Variants in PRELID2 observed in about 807,000 individuals in gnomAD.
PRELID2 encodes the protein PRELI domain-containing protein 2.
Under a neutral mutation model 28.4 loss-of-function variants are expected in PRELID2, and 25 were observed. That is an observed-to-expected ratio of 0.88 (90% CI 0.64 to 1.23). PRELID2 has a LOEUF of 1.23. Ranked by LOEUF, PRELID2 falls within the 50% of genes most tolerant of loss-of-function variation. PRELID2 has a pLI of 0.00. For missense variants in PRELID2, 201 were observed against 214.4 expected, an observed-to-expected ratio of 0.94 and a Z score of 0.39; for synonymous variants, 76 against 71.6, an observed-to-expected ratio of 1.06 and a Z score of -0.31.
intron 1 of PRELID2, among the ~76,000 whole-genome samples, chr5:145,830,893 C>T (rs1309928210): frequency 6.6e-6 from 1 of 152,112 alleles, no homozygotes; most frequent in African/African-American, 2.4e-5. Context: ...ACTTGGAAGG[C>T]AACTCCTAAC....
At chr5:145,325,621 G>C in the PRELID2 span, among the ~76,000 whole-genome samples, 1 of 152,118 alleles carries the variant, frequency 6.6e-6, no homozygotes, top group African/African-American at 2.4e-5. Flanking sequence ...GAAAGTTAAA[G>C]TTAAAAGACA....
chr5:145,311,329 C>A, the PRELID2 span, among the ~76,000 whole-genome samples: 1 of 152,156 alleles, frequency 6.6e-6, no homozygotes, highest in Non-Finnish European at 1.5e-5. Context: ...GCACAGCCCC[C>A]ACCCATTCAT....
chr5:145,737,019 AGAG>A (rs1756514494), intron 1 of PRELID2, among the ~76,000 whole-genome samples: 1 of 152,096 alleles, frequency 6.6e-6, no homozygotes, highest in South Asian at 2.1e-4. Flanking sequence ...GTGAAGAAAA[AGAG>A]AAGAGAATTG....
At chr5:145,802,097 A>G (rs547955168) in intron 4 of PRELID2, among the ~76,000 whole-genome samples, 1 of 152,342 alleles carries the variant, frequency 6.6e-6, no homozygotes, top group African/African-American at 2.4e-5. Flanking sequence ...TCTTATGTGT[A>G]TAAGACTCAT....
chr5:145,561,363 C>T (rs1453856248), intron 1 of PRELID2, among the ~76,000 whole-genome samples: 7 of 151,902 alleles, frequency 4.6e-5, no homozygotes, highest in Admixed American at 2.6e-4. Flanking sequence ...AAGTGAGTGC[C>T]GACAAGAATG....
chr5:145,658,846 TAC>T (rs763163774), intron 1 of PRELID2, among the ~76,000 whole-genome samples: 36 of 152,186 alleles, frequency 2.4e-4, no homozygotes, highest in Non-Finnish European at 4.7e-4. Context: ...GCTAGATAGT[TAC>T]AGAGTAAGGG....
chr5:145,388,246 A>C, the PRELID2 span, among the ~76,000 whole-genome samples: 1 of 152,154 alleles, frequency 6.6e-6, no homozygotes, highest in Non-Finnish European at 1.5e-5. Flanking sequence ...TTAAAACATA[A>C]AAGTCAAAAT....
chr5:145,376,498 T>C, the PRELID2 span, among the ~76,000 whole-genome samples: 2 of 152,166 alleles, frequency 1.3e-5, no homozygotes, highest in Non-Finnish European at 2.9e-5. Context: ...GTACATCTGG[T>C]AGAATTCACC....
At chr5:145,418,463 C>T in the PRELID2 span, among the ~76,000 whole-genome samples, 47 of 152,228 alleles carry the variant, frequency 3.1e-4, no homozygotes, top group African/African-American at 1.1e-3. Context: ...AAACTGGAGG[C>T]ATCATGTTAA....
chr5:145,556,183 AAAAAAAAAAAAAAAG>A (rs1001819111), intron 1 of PRELID2, among the ~76,000 whole-genome samples: 1 of 151,182 alleles, frequency 6.6e-6, no homozygotes, highest in African/African-American at 2.4e-5. Context: ...ATCTCAAAAA[AAAAAAAAAAAAAAAG>A]AAAAGAAAAG....
chr5:145,366,209 T>C, the PRELID2 span, among the ~76,000 whole-genome samples: 1 of 151,858 alleles, frequency 6.6e-6, no homozygotes, highest in African/African-American at 2.4e-5. Flanking sequence ...CCACAAATTC[T>C]CTCAGTTTAT....
At chr5:145,249,979 G>C in the PRELID2 span, among the ~76,000 whole-genome samples, 103 of 150,396 alleles carry the variant, frequency 6.8e-4, no homozygotes, top group Non-Finnish European at 5.9e-5. Flanking sequence ...TTGATGCATA[G>C]CCAATTGCAA....
intron 1 of PRELID2, among the ~76,000 whole-genome samples, chr5:145,496,789 C>T (rs1435229867): frequency 6.6e-6 from 1 of 152,114 alleles, no homozygotes. Context: ...TTCACTCCCC[C>T]TTGGTCCTTC....
At chr5:145,353,614 C>A in the PRELID2 span, among the ~76,000 whole-genome samples, 2 of 152,136 alleles carry the variant, frequency 1.3e-5, no homozygotes, top group Non-Finnish European at 2.9e-5. Context: ...TCCTTCATCA[C>A]ATGATGTTAG....
chr5:145,348,741 T>C, the PRELID2 span, among the ~76,000 whole-genome samples: 1 of 152,102 alleles, frequency 6.6e-6, no homozygotes, highest in Non-Finnish European at 1.5e-5. Flanking sequence ...TCTAATTTGT[T>C]CATGCATTTC....
chr5:145,402,708 G>T, the PRELID2 span, among the ~76,000 whole-genome samples: 1 of 152,164 alleles, frequency 6.6e-6, no homozygotes, highest in Non-Finnish European at 1.5e-5. Context: ...ATGCAATAAT[G>T]CATTTAATGG....
chr5:145,609,544 G>A (rs957838011), intron 1 of PRELID2, among the ~76,000 whole-genome samples: 2 of 152,232 alleles, frequency 1.3e-5, no homozygotes, highest in Non-Finnish European at 2.9e-5. Flanking sequence ...CTGTCTGAGT[G>A]CTTCCTGGGA....
At position 145,790,010 on chromosome 5, in the gene PRELID2, A is replaced by T. The variant is rs537009118; in HGVS notation, c.474+6432T>A. 3.9e-5 allele frequency among the ~76,000 whole-genome samples: 6 copies of T among 152,296 alleles called. No individual in the cohort carries two copies. The South Asian group carries it at 1.2e-3, about 32-fold the overall frequency. On this transcript the variant is annotated intron_variant, in intron 5 of 6. Coordinates refer to ENST00000683046, the MANE Select transcript of PRELID2 (RefSeq NM_205846.3). Reference sequence around the variant, plus strand: ...ATGAAAGATAAAAAGTGTTGGCAAGAATGAGGAGAAAAGGATGCCCTTGTA... The same window carrying T: ...ATGAAAGATAAAAAGTGTTGGCAAGTATGAGGAGAAAAGGATGCCCTTGTA...
chr5:145,283,639 T>G, the PRELID2 span, among the ~76,000 whole-genome samples: 1 of 152,290 alleles, frequency 6.6e-6, no homozygotes, highest in South Asian at 2.1e-4. Context: ...TTAGCAAAAC[T>G]TAGAACAGTA....
Sources: gnomAD v4.1 joint callset for allele counts (sites outside exome capture counted in the v4.1 genomes callset) on GRCh38, gnomAD v4.1.1 for gene constraint, MANE v1.5 for transcripts, NCBI Gene and HGNC (gene_info 2026-07-23, HGNC 2026-07-21) for gene names.